UFSP2: variants seen among roughly 807,000 people sequenced by gnomAD.
UFSP2 encodes ufm1-specific protease 2.
UFSP2 carries 43 observed loss-of-function variants against 60.2 expected under a neutral mutation model. That is an observed-to-expected ratio of 0.71 (90% CI 0.56 to 0.92). UFSP2 has a LOEUF of 0.92. Among genes scored for constraint, UFSP2 ranks in the 40% least tolerant of loss-of-function variants. UFSP2 has a pLI of 0.00. For missense variants in UFSP2, 520 were observed against 575.0 expected, an observed-to-expected ratio of 0.90 and a Z score of 0.98; for synonymous variants, 183 against 195.1, an observed-to-expected ratio of 0.94 and a Z score of 0.52.
chr4:185,406,685 C>T (rs1206410771), intron 9 of UFSP2, among the ~76,000 whole-genome samples: 2 of 152,136 alleles, frequency 1.3e-5, no homozygotes, highest in East Asian at 3.9e-4. Flanking sequence ...AAGCGATTCT[C>T]CTTCCTCAGC....
At position 185,425,828 on chromosome 4, in the gene UFSP2, G is replaced by C. The variant is rs200276174; in HGVS notation, c.3+38C>G. 5 of 1,598,048 alleles carry C rather than the reference G, an allele frequency of 3.1e-6. No homozygotes were observed. The Admixed American group carries it at 8.7e-5, about 28-fold the overall frequency. ...CTCGTGGCGGCTGCCAAAGTCCGGGGAAAAACACAGGGGTCGGTGACGAGC... is the reference window on the plus strand; with the variant it reads ...CTCGTGGCGGCTGCCAAAGTCCGGGCAAAAACACAGGGGTCGGTGACGAGC... On this transcript the variant is annotated intron_variant, in intron 1 of 11. Coordinates refer to ENST00000264689, the MANE Select transcript of UFSP2 (RefSeq NM_018359.5).
At chr4:185,418,859 A>G in intron 2 of UFSP2, 89 bp from the exon 3 acceptor site, 1 of 1,043,812 alleles carries the variant, frequency 9.6e-7, no homozygotes, top group Non-Finnish European at 1.3e-6. Context: ...GAGCATAGTA[A>G]AACTCTCAAT....
chr4:185,401,655 G>C (rs951784599), intron 11 of UFSP2, among the ~76,000 whole-genome samples: 1 of 152,182 alleles, frequency 6.6e-6, no homozygotes, highest in Non-Finnish European at 1.5e-5. Flanking sequence ...GGAGTCAAGT[G>C]AATCAATAGT....
chr4:185,415,740 A>G lies in UFSP2; in HGVS notation c.461T>C (p.Ile154Thr). ...VNMTLPVDAV[I>T]SVAPEETWGK... ...CCATGTTTCTTCTGGAGCAACAGAT[A>G]TAACTGCATCGACAGGTAAAGTCAT... Residue 154 changes from isoleucine (I) to threonine (T), a missense_variant, in exon 5 of 12, where the codon ATA becomes ACA. Ile to Thr is a moderately conservative substitution (Grantham distance 89). Coordinates refer to ENST00000264689, the MANE Select transcript of UFSP2 (RefSeq NM_018359.5). 1 of 1,612,954 alleles carries G rather than the reference A, an allele frequency of 6.2e-7. No homozygotes were observed. Among genetic ancestry groups the G allele is most frequent in the South Asian group, 1.1e-5 (1 of 90,812 alleles).
Position 185,425,873 on chromosome 4 carries a change from G to A in UFSP2, c.-5C>T. On this transcript the variant is annotated 5_prime_UTR_variant, in exon 1 of 12. Coordinates refer to ENST00000264689, the MANE Select transcript of UFSP2 (RefSeq NM_018359.5). ...ACGAGCAGAGATACTCACCATGTCC[G>A]CGACGTGGCGGTGACACGGGCGCTG... is the stretch of plus-strand genomic sequence containing the variant. 1.2e-6 allele frequency: 2 copies of A among 1,603,006 alleles called. No homozygotes were observed. The highest frequency in any genetic ancestry group is 2.3e-5 in the East Asian group (1 of 44,296).
intron 2 of UFSP2, among the ~76,000 whole-genome samples, chr4:185,419,255 C>CCA (rs1277576338): frequency 6.6e-6 from 1 of 152,134 alleles, no homozygotes; most frequent in Non-Finnish European, 1.5e-5. Context: ...CCTCAGCCTC[C>CCA]CGAGTAGCTG....
chr4:185,408,057 G>C lies in UFSP2; in HGVS notation c.1000C>G (p.Leu334Val), dbSNP rs977016022. The C allele has an allele frequency of 1.2e-6, 2 of 1,613,158 alleles. No homozygotes were observed. Among genetic ancestry groups the C allele is most frequent in the South Asian group, 1.1e-5 (1 of 90,954 alleles). ...GCTGGTTTGTCCCCGGCATCGACTA[G>C]AGCCTTGATGTATTTAAAAATATAA... ...IPTHREIQQA[L>V]VDAGDKPATF... Residue 334 changes from leucine (L) to valine (V), a missense_variant, in exon 9 of 12, where the codon CTA becomes GTA. Transcript: ENST00000264689.
chr4:185,407,390 G>A (rs1169563809), intron 9 of UFSP2, among the ~76,000 whole-genome samples: 1 of 151,912 alleles, frequency 6.6e-6, no homozygotes, highest in Non-Finnish European at 1.5e-5. Flanking sequence ...CATACAATCA[G>A]GAGTCAGCTA....
Position 185,399,784 on chromosome 4 carries a change from C to CA in UFSP2, c.*607dup. 6.2e-7 allele frequency: 1 copy of CA among 1,613,668 alleles called. No homozygotes were observed. Among genetic ancestry groups the CA allele is most frequent in the Middle Eastern group, 1.6e-4 (1 of 6,062 alleles). On this transcript the variant is annotated 3_prime_UTR_variant, in exon 12 of 12. Coordinates refer to ENST00000264689, the MANE Select transcript of UFSP2 (RefSeq NM_018359.5). The stretch of plus-strand genomic sequence containing the variant: ...GAAAAGGAAGTGCTGGTAAGTAACT[C>CA]AGAGCTGCTGCTTTTTTCCTCCCGC...
chr4:185,402,246 G>A (rs997249939), intron 11 of UFSP2: 2 of 449,044 alleles, frequency 4.5e-6, no homozygotes. Flanking sequence ...AATACTGAAT[G>A]GAATGAACAC....
chr4:185,402,030 C>T (rs1466216532), intron 11 of UFSP2, among the ~76,000 whole-genome samples: 2 of 152,320 alleles, frequency 1.3e-5, no homozygotes, highest in Non-Finnish European at 2.9e-5. Flanking sequence ...ACTGATCTAC[C>T]TGCAGTGCGG....
Position 185,400,480 on chromosome 4 carries a change from T to G in UFSP2, c.1324-2A>C, listed in dbSNP as rs757803330. ...TGGGCCCTTCCATCCGCACCAGCCC[T>G]GGATAGAGAAGACGGGAAAGGAAAG... On this transcript the variant is annotated splice_acceptor_variant, in intron 11 of 11. Coordinates refer to ENST00000264689, the MANE Select transcript of UFSP2 (RefSeq NM_018359.5). LOFTEE classifies it high-confidence loss of function. The G allele has an allele frequency of 6.2e-7, 1 of 1,609,840 alleles. No individual in the cohort carries two copies. The highest frequency in any genetic ancestry group is 8.5e-7 in the Non-Finnish European group (1 of 1,177,550).
chr4:185,409,668 T>C (rs1409757275), intron 7 of UFSP2, among the ~76,000 whole-genome samples: 1 of 152,174 alleles, frequency 6.6e-6, no homozygotes, highest in African/African-American at 2.4e-5. Context: ...TCCTAATCCC[T>C]GGAACTTGTG....
chr4:185,407,305 C>T (rs532447358), intron 9 of UFSP2, among the ~76,000 whole-genome samples: 161 of 150,948 alleles, frequency 1.1e-3, no homozygotes, highest in Non-Finnish European at 1.9e-3. Flanking sequence ...CCACCCACCT[C>T]GGCCTCCCAA....
intron 2 of UFSP2, among the ~76,000 whole-genome samples, chr4:185,421,400 G>A (rs2095549144): frequency 6.6e-6 from 1 of 152,182 alleles, no homozygotes; most frequent in African/African-American, 2.4e-5. Context: ...GGCCTGGTGG[G>A]AGGTGTTTGA....
chr4:185,415,757 T>G lies in UFSP2; in HGVS notation c.444A>C (p.Leu148Phe). The change falls in exon 5 of 12, where the codon TTA (leucine) becomes TTC (phenylalanine). Residue 148 changes from leucine to phenylalanine, a missense_variant. Transcript: ENST00000264689. ...SGGHHYVNMTLPVDAVISVAP... is the reference protein window; with the variant it reads ...SGGHHYVNMTFPVDAVISVAP... ...CAACAGATATAACTGCATCGACAGG[T>G]AAAGTCATATTAACATAATGGTGTC... is the stretch of plus-strand genomic sequence containing the variant. 6.2e-7 allele frequency: 1 copy of G among 1,613,736 alleles called. No homozygotes were observed.
chr4:185,399,808 G>A lies in UFSP2; in HGVS notation c.*584C>T, dbSNP rs1053219. On this transcript the variant is annotated 3_prime_UTR_variant, in exon 12 of 12. Coordinates refer to ENST00000264689, the MANE Select transcript of UFSP2 (RefSeq NM_018359.5). ...TCAGAGCTGCTGCTTTTTTCCTCCCGCAGTGATCTCTTGTTTGCATAGCAT... is the reference window on the plus strand; with the variant it reads ...TCAGAGCTGCTGCTTTTTTCCTCCCACAGTGATCTCTTGTTTGCATAGCAT... 2,994 of 1,612,118 alleles carry A rather than the reference G, an allele frequency of 1.9e-3. 60 individuals carry two copies. In the African/African-American group the frequency reaches 0.035, roughly 19 times the overall value.
intron 4 of UFSP2, among the ~76,000 whole-genome samples, chr4:185,417,531 A>G (rs990841049): frequency 6.6e-6 from 1 of 152,042 alleles, no homozygotes; most frequent in Non-Finnish European, 1.5e-5. Context: ...CCTCTTCTCT[A>G]TTTCCATAGC....
chr4:185,420,278 A>G (rs1044137639), intron 2 of UFSP2, among the ~76,000 whole-genome samples: 4 of 152,072 alleles, frequency 2.6e-5, no homozygotes, highest in African/African-American at 9.7e-5. Flanking sequence ...TTTAAAAAAT[A>G]TGTTTGAATA....
Sources: allele counts gnomAD v4.1 joint callset (sites outside exome capture counted in the v4.1 genomes callset), GRCh38; gene constraint gnomAD v4.1.1; transcripts MANE v1.5; gene names NCBI Gene and HGNC (gene_info 2026-07-23, HGNC 2026-07-21).